MAF: variants seen among roughly 807,000 people sequenced by gnomAD.
MAF encodes transcription factor Maf.
Under a neutral mutation model 22.0 loss-of-function variants are expected in MAF, and 10 were observed. The observed-to-expected ratio is 0.45, with a 90% CI of 0.28 to 0.77. MAF has a LOEUF of 0.77. Ranked by LOEUF, MAF falls within the 30% of genes least tolerant of loss-of-function variation. The pLI is 0.12. For missense variants in MAF, 544 were observed against 548.4 expected, an observed-to-expected ratio of 0.99 and a Z score of 0.08; for synonymous variants, 337 against 255.8, an observed-to-expected ratio of 1.32 and a Z score of -3.03.
At chr16:79,246,179 G>T in the MAF span, among the ~76,000 whole-genome samples, 1 of 151,866 alleles carries the variant, frequency 6.6e-6, no homozygotes, top group Non-Finnish European at 1.5e-5. Context: ...CACATTCTGC[G>T]CATGTGCCCC....
At chr16:79,212,342 A>G in the MAF span, 1 of 666,120 alleles carries the variant, frequency 1.5e-6, no homozygotes, top group Non-Finnish European at 2.4e-6. Context: ...GCCAGTGAGG[A>G]TGACAGTGAC....
chr16:79,260,301 C>T, the MAF span, among the ~76,000 whole-genome samples: 5 of 152,062 alleles, frequency 3.3e-5, no homozygotes, highest in African/African-American at 9.7e-5. Flanking sequence ...AAGGTGTGCA[C>T]CACCACACCT....
At chr16:79,291,706 G>C in the MAF span, among the ~76,000 whole-genome samples, 1 of 150,314 alleles carries the variant, frequency 6.7e-6, no homozygotes, top group Admixed American at 6.7e-5. Context: ...GGCCAAATAT[G>C]GCGCTAAAAA....
At chr16:79,477,327 T>C in the MAF span, among the ~76,000 whole-genome samples, 1 of 152,180 alleles carries the variant, frequency 6.6e-6, no homozygotes, top group Non-Finnish European at 1.5e-5. Context: ...ACAGATTTGC[T>C]GAACAGAGAA....
the MAF span, among the ~76,000 whole-genome samples, chr16:79,557,435 G>A: frequency 2.6e-5 from 4 of 152,036 alleles, no homozygotes; most frequent in Admixed American, 6.5e-5. Flanking sequence ...AGAAGAAATA[G>A]ATCCCCCAAT....
the MAF span, among the ~76,000 whole-genome samples, chr16:79,409,331 A>G: frequency 6.6e-6 from 1 of 152,202 alleles, no homozygotes; most frequent in Non-Finnish European, 1.5e-5. Flanking sequence ...CTTGTTTTCC[A>G]AGAAATCTGT....
At chr16:79,336,514 G>A in the MAF span, among the ~76,000 whole-genome samples, 18 of 152,172 alleles carry the variant, frequency 1.2e-4, no homozygotes, top group African/African-American at 4.3e-4. Flanking sequence ...CCTAGAATGT[G>A]GTGGATACTC....
chr16:79,540,643 G>C, the MAF span, among the ~76,000 whole-genome samples: 2 of 152,146 alleles, frequency 1.3e-5, no homozygotes, highest in African/African-American at 4.8e-5. Flanking sequence ...TCTGCTTCCC[G>C]GTGCATGCCG....
chr16:79,500,681 C>T, the MAF span, among the ~76,000 whole-genome samples: 1 of 152,082 alleles, frequency 6.6e-6, no homozygotes, highest in Non-Finnish European at 1.5e-5. Flanking sequence ...GGGAAGCATT[C>T]TAGGACTCGT....
the MAF span, among the ~76,000 whole-genome samples, chr16:79,471,289 G>A: frequency 6.6e-6 from 1 of 152,164 alleles, no homozygotes; most frequent in Non-Finnish European, 1.5e-5. Context: ...AAGCAGTCAT[G>A]AAGAGCACGA....
At chr16:79,486,991 T>G in the MAF span, among the ~76,000 whole-genome samples, 1 of 152,160 alleles carries the variant, frequency 6.6e-6, no homozygotes, top group Non-Finnish European at 1.5e-5. Flanking sequence ...TTGTACAGCT[T>G]AAGTCAGTGG....
At chr16:79,468,896 C>T in the MAF span, among the ~76,000 whole-genome samples, 2 of 152,096 alleles carry the variant, frequency 1.3e-5, no homozygotes, top group African/African-American at 4.8e-5. Flanking sequence ...GTACTTAATC[C>T]TCCTGCTTGC....
At position 79,599,992 on chromosome 16, in the gene MAF, G is replaced by A. The variant is rs1913912254; in HGVS notation, c.-90C>T. The A allele has an allele frequency of 2.5e-6, 4 of 1,569,520 alleles. No individual in the cohort carries two copies. The highest frequency in any genetic ancestry group is 1.3e-5 in the African/African-American group (1 of 74,168). ...GGGCTGTGCTGGGTGGCCAGCGGGTGAGCCAGCTTGCCGGGCTGGGGCGCT... is the reference window on the plus strand; with the variant it reads ...GGGCTGTGCTGGGTGGCCAGCGGGTAAGCCAGCTTGCCGGGCTGGGGCGCT... On this transcript the variant is annotated 5_prime_UTR_variant, in exon 1 of 2. Coordinates refer to ENST00000326043, the MANE Select transcript of MAF (RefSeq NM_005360.5).
chr16:79,315,348 A>G, the MAF span, among the ~76,000 whole-genome samples: 1 of 152,178 alleles, frequency 6.6e-6, no homozygotes, highest in African/African-American at 2.4e-5. Flanking sequence ...AACTACTATG[A>G]TTTTAATTTT....
At chr16:79,248,455 T>C in the MAF span, among the ~76,000 whole-genome samples, 1 of 152,220 alleles carries the variant, frequency 6.6e-6, no homozygotes, top group Non-Finnish European at 1.5e-5. Context: ...CAGATTCTTC[T>C]ATACAGTCAA....
At chr16:79,467,137 C>A in the MAF span, among the ~76,000 whole-genome samples, 18 of 152,256 alleles carry the variant, frequency 1.2e-4, no homozygotes, top group Admixed American at 1.2e-3. Flanking sequence ...GATCAAACCC[C>A]TTACAGTGGC....
chr16:79,572,777 C>T, the MAF span, among the ~76,000 whole-genome samples: 11 of 152,160 alleles, frequency 7.2e-5, no homozygotes, highest in Admixed American at 7.2e-4. Context: ...TCCTTCCTCC[C>T]CAACTCACAC....
the MAF span, among the ~76,000 whole-genome samples, chr16:79,372,414 T>A: frequency 6.6e-6 from 1 of 152,210 alleles, no homozygotes; most frequent in South Asian, 2.1e-4. Context: ...TGGACTGTGA[T>A]ATATGTCTGC....
At chr16:79,559,955 G>C in the MAF span, among the ~76,000 whole-genome samples, 1 of 152,296 alleles carries the variant, frequency 6.6e-6, no homozygotes, top group African/African-American at 2.4e-5. Context: ...CTAGGCTGGA[G>C]TGCAGTGACA....
Sources: allele counts gnomAD v4.1 joint callset (sites outside exome capture counted in the v4.1 genomes callset), GRCh38; gene constraint gnomAD v4.1.1; transcripts MANE v1.5; gene names NCBI Gene and HGNC (gene_info 2026-07-23, HGNC 2026-07-21).